Variants in C17orf67 observed in about 807,000 individuals in gnomAD.
C17orf67 encodes chromosome 17 open reading frame 67.
A neutral mutation model predicts 11.2 loss-of-function variants in C17orf67; 12 were observed. That is an observed-to-expected ratio of 1.07 (90% CI 0.68 to 1.73). The LOEUF is 1.73. Among genes scored for constraint, C17orf67 ranks in the 40% most tolerant of loss-of-function variants. C17orf67 has a pLI of 0.00. For synonymous variants in C17orf67, 59 were observed against 46.9 expected (o/e 1.26, Z -1.05); for missense variants, 115 against 113.5 (o/e 1.01, Z -0.06).
At chr17:56,798,132 AC>A (rs1312353638) in intron 6 of C17orf67, among the ~76,000 whole-genome samples, 1 of 151,764 alleles carries the variant, frequency 6.6e-6, no homozygotes, top group Non-Finnish European at 1.5e-5. Flanking sequence ...TTGCCCTCCC[AC>A]CATCTAAGCA....
chr17:56,810,205 TCACA>T lies in C17orf67; in HGVS notation c.156+4660_156+4663del, dbSNP rs1468159517. Among the ~76,000 whole-genome samples, 9 of 111,902 alleles carry T rather than the reference TCACA, an allele frequency of 8.0e-5. No homozygotes were observed. In the South Asian group the frequency reaches 2.9e-3, roughly 36 times the overall value. 73.4% of individuals were successfully genotyped at this position (111,902 alleles called of 152,430 possible). A position where few individuals can be genotyped will look rare whatever the true frequency, so the allele number is the denominator to read the frequency against. ...GAACACACCCTTCACACACACACTC[TCACA>T]CACACCATCACACCCCTCACATACA... On this transcript the variant is annotated intron_variant, in intron 6 of 7. Transcript: ENST00000397861.
intron 6 of C17orf67, 74 bp from the exon 7 acceptor site, chr17:56,795,254 T>C: frequency 2.3e-6 from 3 of 1,326,162 alleles, no homozygotes; most frequent in Non-Finnish European, 1.1e-6. Flanking sequence ...GTGGTGTGGC[T>C]CTGGCTCCCT....
intron 2 of C17orf67, among the ~76,000 whole-genome samples, chr17:56,829,872 T>C (rs1293209424): frequency 6.6e-6 from 1 of 152,242 alleles, no homozygotes; most frequent in Non-Finnish European, 1.5e-5. Context: ...ATTATTTATG[T>C]ATTAATCTCC....
Position 56,814,854 on chromosome 17 carries a change from G to A in C17orf67, c.156+15C>T, listed in dbSNP as rs753550262. 6.2e-7 allele frequency: 1 copy of A among 1,612,038 alleles called. No homozygotes were observed. On this transcript the variant is annotated intron_variant, in intron 6 of 7. Coordinates refer to ENST00000397861, the MANE Select transcript of C17orf67 (RefSeq NM_001085430.4). ...GATCACATTTTCTTTAAAACTGCCA[G>A]AGCAAAGCACTCACCCGCATTGGCT... is the stretch of plus-strand genomic sequence containing the variant.
At chr17:56,801,442 C>T (rs1905319553) in intron 6 of C17orf67, among the ~76,000 whole-genome samples, 1 of 152,138 alleles carries the variant, frequency 6.6e-6, no homozygotes, top group Non-Finnish European at 1.5e-5. Flanking sequence ...AGGAACTCTG[C>T]ATTCTACATC....
At chr17:56,818,176 AAG>A (rs1905808927) in intron 4 of C17orf67, among the ~76,000 whole-genome samples, 1 of 152,144 alleles carries the variant, frequency 6.6e-6, no homozygotes, top group Admixed American at 6.5e-5. Flanking sequence ...AAAAAGAAAA[AAG>A]AAAAATTGTC....
rs1906291153 is a variant in C17orf67, at chr17:56,833,229, G to C, written c.-888C>G. 1 of 153,746 alleles carries C rather than the reference G, an allele frequency of 6.5e-6. No homozygotes were observed. The highest frequency in any genetic ancestry group is 1.5e-5 in the Non-Finnish European group (1 of 68,662). 9.5% of individuals were successfully genotyped at this position (153,746 alleles called of 1,614,324 possible). Reference sequence around the variant, plus strand: ...GCTGAGCAGCGGTGCTTCCGCGTCCGCGTTCTCCGGGTAGCTGATGTGCTG... The same window carrying C: ...GCTGAGCAGCGGTGCTTCCGCGTCCCCGTTCTCCGGGTAGCTGATGTGCTG... On this transcript the variant is annotated 5_prime_UTR_variant, in exon 2 of 8. Coordinates refer to ENST00000397861, the MANE Select transcript of C17orf67 (RefSeq NM_001085430.4).
chr17:56,792,882 G>GGTGGTGGTGGTGGTGA (rs1567790344), intron 7 of C17orf67, among the ~76,000 whole-genome samples: 1 of 10,856 alleles, frequency 9.2e-5, no homozygotes, highest in African/African-American at 3.6e-4. Context: ...GGTGGTGGTG[G>GGTGGTGGTGGTGGTGA]TGGTGGTGAT....
chr17:56,823,642 T>C (rs2144146655), intron 4 of C17orf67, among the ~76,000 whole-genome samples: 2 of 151,730 alleles, frequency 1.3e-5, no homozygotes, highest in South Asian at 4.2e-4. Flanking sequence ...TTTAGAAAAA[T>C]AGAGCAAAAA....
Position 56,814,851 on chromosome 17 carries a change from C to G in C17orf67, c.156+18G>C. 2 of 1,610,074 alleles carry G rather than the reference C, an allele frequency of 1.2e-6. No individual in the cohort carries two copies. The highest frequency in any genetic ancestry group is 1.7e-6 in the Non-Finnish European group (2 of 1,176,462). ...AATGATCACATTTTCTTTAAAACTG[C>G]CAGAGCAAAGCACTCACCCGCATTG... On this transcript the variant is annotated intron_variant, in intron 6 of 7. Transcript: ENST00000397861.
At chr17:56,831,178 G>T (rs2032158704) in intron 2 of C17orf67, among the ~76,000 whole-genome samples, 1 of 152,094 alleles carries the variant, frequency 6.6e-6, no homozygotes, top group Admixed American at 6.5e-5. Context: ...GGGTGAGAAT[G>T]GTGACAGCTG....
intron 6 of C17orf67, among the ~76,000 whole-genome samples, chr17:56,796,378 A>G (rs1044825158): frequency 6.6e-6 from 1 of 152,250 alleles, no homozygotes; most frequent in African/African-American, 2.4e-5. Context: ...TGAATGAAGC[A>G]GTGATCCCTG....
chr17:56,819,716 TG>T (rs1478537169), intron 4 of C17orf67, among the ~76,000 whole-genome samples: 1 of 152,166 alleles, frequency 6.6e-6, no homozygotes, highest in East Asian at 1.9e-4. Flanking sequence ...AGTGTCTTAT[TG>T]TGAGTGTCAC....
At chr17:56,820,047 G>GTGGCCT (rs1473213986) in intron 4 of C17orf67, among the ~76,000 whole-genome samples, 1 of 152,162 alleles carries the variant, frequency 6.6e-6, no homozygotes, top group East Asian at 1.9e-4. Flanking sequence ...ATCAGATGTT[G>GTGGCCT]TGGCCTAGGA....
chr17:56,804,972 C>A (rs887661158), intron 6 of C17orf67, among the ~76,000 whole-genome samples: 1 of 152,140 alleles, frequency 6.6e-6, no homozygotes, highest in Non-Finnish European at 1.5e-5. Flanking sequence ...AAAATTTCTA[C>A]CCTGGAGAGA....
At chr17:56,792,888 G>A (rs1247601941) in intron 7 of C17orf67, among the ~76,000 whole-genome samples, 4 of 83,716 alleles carry the variant, frequency 4.8e-5, no homozygotes, top group African/African-American at 8.9e-5. Context: ...GGTGGTGGTG[G>A]TGATGGTGGT....
At chr17:56,807,720 C>T (rs1905486873) in intron 6 of C17orf67, among the ~76,000 whole-genome samples, 1 of 152,082 alleles carries the variant, frequency 6.6e-6, no homozygotes, top group Non-Finnish European at 1.5e-5. Flanking sequence ...GGTTTTTTCT[C>T]TGTCAGGATC....
intron 6 of C17orf67, among the ~76,000 whole-genome samples, chr17:56,798,499 C>CATAG (rs895362911): frequency 1.3e-5 from 2 of 151,998 alleles, no homozygotes; most frequent in Non-Finnish European, 2.9e-5. Flanking sequence ...ATCACCAGTC[C>CATAG]ATAGTTGATA....
intron 6 of C17orf67, among the ~76,000 whole-genome samples, chr17:56,802,561 C>T (rs1342125406): frequency 1.3e-5 from 2 of 152,164 alleles, no homozygotes; most frequent in Admixed American, 1.3e-4. Context: ...CCTGCCCACG[C>T]CTTTGTAAAA....
Sources: allele counts gnomAD v4.1 joint callset (sites outside exome capture counted in the v4.1 genomes callset), GRCh38; gene constraint gnomAD v4.1.1; transcripts MANE v1.5; gene names NCBI Gene and HGNC (gene_info 2026-07-23, HGNC 2026-07-21).